The following UGT1A6 variants were observed in gnomAD, a reference collection of about 807,000 sequenced individuals.
The protein encoded by UGT1A6 is UDP glucuronosyltransferase family 1 member A6, also known as UDP-glucuronosyltransferase 1A6.
A neutral mutation model predicts 44.4 loss-of-function variants in UGT1A6; 32 were observed. That is an observed-to-expected ratio of 0.72 (90% CI 0.54 to 0.97). The LOEUF is 0.97. Among genes scored for constraint, UGT1A6 ranks in the 50% least tolerant of loss-of-function variants. UGT1A6 has a pLI of 0.00. For missense variants in UGT1A6, 685 were observed against 661.9 expected (o/e 1.03, Z -0.38); for synonymous variants, 238 against 248.5 (o/e 0.96, Z 0.40).
intron 1 of UGT1A6, chr2:233,717,949 A>C: frequency 2.2e-6 from 1 of 452,294 alleles, no homozygotes; most frequent in South Asian, 1.6e-5. Context: ...GCAGACTTGC[A>C]GAAGACTGGA....
chr2:233,742,223 A>G (rs1691912162), intron 1 of UGT1A6, among the ~76,000 whole-genome samples: 1 of 151,938 alleles, frequency 6.6e-6, no homozygotes, highest in South Asian at 2.1e-4. Flanking sequence ...CAGGGCTGAG[A>G]GCCCCAAACA....
intron 1 of UGT1A6, among the ~76,000 whole-genome samples, chr2:233,694,899 T>G (rs2075247307): frequency 6.6e-6 from 1 of 152,242 alleles, no homozygotes; most frequent in Non-Finnish European, 1.5e-5. Context: ...TGTGATATTT[T>G]GATACACGTA....
At chr2:233,746,807 G>C (rs1340541444) in intron 1 of UGT1A6, among the ~76,000 whole-genome samples, 4 of 151,778 alleles carry the variant, frequency 2.6e-5, no homozygotes, top group Admixed American at 2.0e-4. Flanking sequence ...CGTGAATGTG[G>C]ATTGCCTACT....
intron 1 of UGT1A6, chr2:233,721,828 C>G (rs866134319): frequency 3.9e-6 from 2 of 516,354 alleles, no homozygotes; most frequent in Middle Eastern, 7.8e-4. Flanking sequence ...CTATTTGGGC[C>G]ACCGACCTTG....
intron 1 of UGT1A6, chr2:233,747,764 C>A: frequency 6.2e-7 from 1 of 1,613,426 alleles, no homozygotes; most frequent in Non-Finnish European, 8.5e-7. Context: ...ACTTTAAGGG[C>A]ACACAGTGTC....
intron 1 of UGT1A6, among the ~76,000 whole-genome samples, chr2:233,735,380 C>T (rs2078647090): frequency 1.3e-5 from 2 of 152,070 alleles, no homozygotes; most frequent in Middle Eastern, 3.2e-3. Context: ...TTCCTCCATC[C>T]CTTTATTTTG....
At position 233,746,588 on chromosome 2, in the gene UGT1A6, TGA is replaced by T. The variant is rs1470732385; in HGVS notation, c.862-20444_862-20443del. Among the ~76,000 whole-genome samples the T allele has an allele frequency of 2.0e-5, 3 of 151,754 alleles. 1 individual carries two copies. The highest frequency in any genetic ancestry group is 7.3e-5 in the African/African-American group (3 of 41,048). On this transcript the variant is annotated intron_variant, in intron 1 of 4. Coordinates refer to ENST00000305139, the MANE Select transcript of UGT1A6 (RefSeq NM_001072.4). ...ACCACACCCTGTAATTGCCTAGTTG[TGA>T]GTTTGTCTCTGTTCACCTGACCCCT...
intron 1 of UGT1A6, among the ~76,000 whole-genome samples, chr2:233,746,975 C>G (rs1401004389): frequency 6.6e-6 from 1 of 151,722 alleles, no homozygotes; most frequent in Non-Finnish European, 1.5e-5. Context: ...TTCCCCAGAG[C>G]GAGCGCAGGG....
At chr2:233,742,468 T>C (rs1293032566) in intron 1 of UGT1A6, among the ~76,000 whole-genome samples, 1 of 151,930 alleles carries the variant, frequency 6.6e-6, no homozygotes, top group East Asian at 1.9e-4. Flanking sequence ...CTTATTCCAG[T>C]AAACTCACAA....
At chr2:233,766,944 A>C (rs1699286381) in intron 1 of UGT1A6, 90 bp from the exon 2 acceptor site, 2 of 1,597,570 alleles carry the variant, frequency 1.3e-6, no homozygotes, top group South Asian at 2.3e-5. Context: ...TCATAGTCTT[A>C]AGAGGAAGAT....
intron 1 of UGT1A6, among the ~76,000 whole-genome samples, chr2:233,765,369 A>G (rs139848699): frequency 2.0e-4 from 30 of 152,382 alleles, no homozygotes; most frequent in African/African-American, 7.0e-4. Flanking sequence ...ATGCCCATCA[A>G]TGGTAGATTG....
intron 1 of UGT1A6, chr2:233,722,014 C>G (rs2076986422): frequency 3.9e-6 from 1 of 254,156 alleles, no homozygotes; most frequent in Non-Finnish European, 7.9e-6. Context: ...AACAGGAAAA[C>G]TGAAACCTCT....
Position 233,725,255 on chromosome 2 carries a change from A to AGAGGCAGAG in UGT1A6, c.861+31401_861+31409dup, listed in dbSNP as rs1488139555. 3.1e-5 allele frequency among the ~76,000 whole-genome samples: 2 copies of AGAGGCAGAG among 63,970 alleles called. 1 individual carries two copies. The highest frequency in any genetic ancestry group is 5.4e-5 in the Non-Finnish European group (2 of 36,928). The allele number at this position is 63,970 out of a possible 152,430, so 42.0% of individuals were successfully genotyped here. A position where few individuals can be genotyped will look rare whatever the true frequency, so the allele number is the denominator to read the frequency against. ...CAGAGGAGGCAGAGGCAGAGGAGGC[A>AGAGGCAGAG]GAGGCAGAGGAGGCAGAGGCAGAGG... is the stretch of plus-strand genomic sequence containing the variant. On this transcript the variant is annotated intron_variant, in intron 1 of 4. Coordinates refer to ENST00000305139, the MANE Select transcript of UGT1A6 (RefSeq NM_001072.4).
intron 1 of UGT1A6, chr2:233,747,344 G>A (rs1693636128): frequency 6.2e-7 from 1 of 1,603,174 alleles, no homozygotes; most frequent in African/African-American, 1.3e-5. Context: ...TGGCTCGCAT[G>A]CGGGAGGCCG....
At chr2:233,695,200 A>G (rs2075272286) in intron 1 of UGT1A6, among the ~76,000 whole-genome samples, 1 of 145,726 alleles carries the variant, frequency 6.9e-6, no homozygotes, top group South Asian at 2.2e-4. Flanking sequence ...ATCTCAGCCC[A>G]CTGCAACCTC....
At chr2:233,767,258 C>A in intron 2 of UGT1A6, 93 bp downstream of exon 2, 1 of 1,592,782 alleles carries the variant, frequency 6.3e-7, no homozygotes, top group Non-Finnish European at 8.5e-7. Flanking sequence ...TTAATTGGAA[C>A]CTTAGATTTG....
chr2:233,713,504 T>A, intron 1 of UGT1A6: 1 of 1,614,014 alleles, frequency 6.2e-7, no homozygotes, highest in Middle Eastern at 1.7e-4. Context: ...CTGCTGTGTT[T>A]TTCTTGAGGA....
chr2:233,772,776 CTT>C lies in UGT1A6; in HGVS notation c.*219_*220del. On this transcript the variant is annotated 3_prime_UTR_variant, in exon 5 of 5. Transcript: ENST00000305139. Reference sequence around the variant, plus strand: ...ATATGTATCGTGCCCCCTCTGGTGTCTTTGATCAGGATGACATGTGCCATTTT... The same window carrying C: ...ATATGTATCGTGCCCCCTCTGGTGTCTGATCAGGATGACATGTGCCATTTT... The C allele has an allele frequency of 7.6e-7, 1 of 1,308,314 alleles. No individual in the cohort carries two copies. The highest frequency in any genetic ancestry group is 1.0e-6 in the Non-Finnish European group (1 of 993,234). The allele number at this position is 1,308,314 out of a possible 1,614,324, so 81.0% of individuals were successfully genotyped here.
rs561148269 is a variant in UGT1A6 at position 233,758,341 on chromosome 2, T to A, written c.862-8693T>A. The stretch of plus-strand genomic sequence containing the variant: ...GCAGCCTCAAAAAGCTTGGAAGCTC[T>A]GCATGATGCAGGAAAGTCATAAAAT... On this transcript the variant is annotated intron_variant, in intron 1 of 4. Coordinates refer to ENST00000305139, the MANE Select transcript of UGT1A6 (RefSeq NM_001072.4). Among the ~76,000 whole-genome samples the A allele has an allele frequency of 3.3e-5, 5 of 152,358 alleles. No homozygotes were observed. In the South Asian group the frequency reaches 8.3e-4, roughly 25 times the overall value.
Sources: gnomAD v4.1 joint callset for allele counts (sites outside exome capture counted in the v4.1 genomes callset) on GRCh38, gnomAD v4.1.1 for gene constraint, MANE v1.5 for transcripts, NCBI Gene and HGNC (gene_info 2026-07-23, HGNC 2026-07-21) for gene names.